The following MIDN variants were observed in gnomAD, a reference collection of about 807,000 sequenced individuals.
MIDN encodes the protein midbrain nucleolar protein.
MIDN carries 26 observed loss-of-function variants against 46.1 expected under a neutral mutation model. The observed-to-expected ratio is 0.56, with a 90% CI of 0.41 to 0.78. MIDN has a LOEUF of 0.78. Among genes scored for constraint, MIDN ranks in the 30% least tolerant of loss-of-function variants. The pLI, the probability that MIDN is intolerant of heterozygous loss-of-function variation, is 0.00. For missense variants in MIDN, 850 were observed against 771.8 expected (o/e 1.10, Z -1.20); for synonymous variants, 432 against 343.3 (o/e 1.26, Z -2.86).
At chr19:1,251,800 G>A (rs200381348) in intron 3 of MIDN, 39 bp from the exon 4 acceptor site, 5 of 1,596,806 alleles carry the variant, frequency 3.1e-6, no homozygotes, top group East Asian at 4.5e-5. Flanking sequence ...CCAGGATTCC[G>A]ACCCCACACT....
chr19:1,255,111 G>T, intron 7 of MIDN, 50 bp downstream of exon 7: 1 of 1,576,784 alleles, frequency 6.3e-7, no homozygotes. Context: ...GTGACCCTGT[G>T]CATTTGGGGT....
chr19:1,253,441 C>A (rs1049150901), intron 4 of MIDN, among the ~76,000 whole-genome samples: 2 of 151,738 alleles, frequency 1.3e-5, no homozygotes, highest in African/African-American at 4.9e-5. Flanking sequence ...CCATCCCGGC[C>A]ACTGGGGAGA....
At position 1,253,017 on chromosome 19, in the gene MIDN, T is replaced by G. The variant is rs2081150974; in HGVS notation, c.385-937T>G. On this transcript the variant is annotated intron_variant, in intron 4 of 8. Coordinates refer to ENST00000682408, the MANE Select transcript of MIDN (RefSeq NM_001388306.1). ...ACACCCTCCTCCCTGGGCGCCTGCGTCAGGAAGGAGCTGGGTTGGGGGGGG... is the reference window on the plus strand; with the variant it reads ...ACACCCTCCTCCCTGGGCGCCTGCGGCAGGAAGGAGCTGGGTTGGGGGGGG... 6.9e-5 allele frequency among the ~76,000 whole-genome samples: 8 copies of G among 116,164 alleles called. No homozygotes were observed. The South Asian group carries it at 2.4e-3, about 35-fold the overall frequency. The allele number at this position is 116,164 out of a possible 152,430, so 76.2% of individuals were successfully genotyped here.
At position 1,257,157 on chromosome 19, in the gene MIDN, G is replaced by A; in HGVS notation, c.1421G>A (p.Ser474Asn). ...SRKAGRSDSS[S>N]SGGGGSPSEA... ...AAGGCCGGCCGCAGCGACAGCAGTA[G>A]CAGCGGGGGCGGCGGCAGCCCCAGC... The change falls in exon 9 of 9, where the codon AGC becomes AAC. Residue 474 changes from serine (S) to asparagine (N), a missense_variant. Ser to Asn is a conservative substitution (Grantham distance 46). Transcript: ENST00000682408. The A allele has an allele frequency of 6.2e-7, 1 of 1,611,538 alleles. No individual in the cohort carries two copies. The highest frequency in any genetic ancestry group is 8.5e-7 in the Non-Finnish European group (1 of 1,179,192).
rs1415982338 is a variant in MIDN at position 1,255,442 on chromosome 19, C to G, written c.1006C>G (p.Gln336Glu). ...TFSGTLHPNC[Q>E]DSSGRPRRDI... is the part of the protein sequence containing the mutation. ...CGCAGGCACGCTACACCCCAACTGC[C>G]AAGACAGCAGCGGGCGGCCGCGGCG... Residue 336 changes from glutamine (Q) to glutamate (E), a missense_variant, in exon 8 of 9, where the codon CAA (glutamine) becomes GAA (glutamate). By Grantham distance (29) the Gln-to-Glu change is conservative. Coordinates refer to ENST00000682408, the MANE Select transcript of MIDN (RefSeq NM_001388306.1). 1.9e-6 allele frequency: 3 copies of G among 1,598,468 alleles called. No homozygotes were observed.
At position 1,250,458 on chromosome 19, in the gene MIDN, G is replaced by A. The variant is rs771855370; in HGVS notation, c.162G>A (p.Glu54=). 4 of 1,389,856 alleles carry A rather than the reference G, an allele frequency of 2.9e-6. No homozygotes were observed. The highest frequency in any genetic ancestry group is 3.1e-5 in the East Asian group (1 of 31,898). 86.1% of individuals were successfully genotyped at this position (1,389,856 alleles called of 1,614,324 possible). Residue 54 remains glutamate (E), a synonymous_variant, in exon 2 of 9, where the codon GAG becomes GAA. Transcript: ENST00000682408. The part of the protein sequence containing the change: ...DLAVPPDETV[E]GLRKRLSQRL... ...CCGTGCCGCCCGACGAGACGGTGGA[G>A]GGGCTGCGCAAGCGGTTGTCCCAGC...
At position 1,251,483 on chromosome 19, in the gene MIDN, C is replaced by T. The variant is rs1030450074; in HGVS notation, c.234-79C>T. 7.6e-6 allele frequency: 10 copies of T among 1,309,890 alleles called. No individual in the cohort carries two copies. The African/African-American group carries it at 1.5e-4, about 20-fold the overall frequency. 81.1% of individuals were successfully genotyped at this position (1,309,890 alleles called of 1,614,324 possible). On this transcript the variant is annotated intron_variant, in intron 2 of 8. Transcript: ENST00000682408. Reference sequence around the variant, plus strand: ...TTATCCGTCTCTCCCCACACAAGCACAGCCCTCCCCCGCGGCCTCTGCTTC... The same window carrying T: ...TTATCCGTCTCTCCCCACACAAGCATAGCCCTCCCCCGCGGCCTCTGCTTC...
chr19:1,251,898 G>C lies in MIDN; in HGVS notation c.381G>C (p.Thr127=). 6.2e-7 allele frequency: 1 copy of C among 1,613,002 alleles called. No individual in the cohort carries two copies. Among genetic ancestry groups the C allele is most frequent in the Non-Finnish European group, 8.5e-7 (1 of 1,179,602 alleles). The change falls in exon 4 of 9, where the codon ACG becomes ACC. Residue 127 remains threonine, a synonymous_variant. Transcript: ENST00000682408. The part of the protein sequence containing the change: ...VMQALESLTE[T]QPPAAPGPGR... Reference sequence around the variant, plus strand: ...AAGCTCTCGAGAGTCTCACGGAGACGCAGGTAAGACCTCGCCAGCCCCTTC... The same window carrying C: ...AAGCTCTCGAGAGTCTCACGGAGACCCAGGTAAGACCTCGCCAGCCCCTTC...
rs772083370 is a variant in MIDN, at chr19:1,251,558, C to A, written c.234-4C>A. ...AGTCTCATGCTCTTCCTTCCTCCCC[C>A]CAGCCGGCTCAGTTCGGGGAAGCTG... On this transcript the variant is annotated splice_polypyrimidine_tract_variant and splice_region_variant and intron_variant, in intron 2 of 8. Transcript: ENST00000682408. 5 of 1,607,488 alleles carry A rather than the reference C, an allele frequency of 3.1e-6. No individual in the cohort carries two copies. The highest frequency in any genetic ancestry group is 1.1e-5 in the South Asian group (1 of 90,426).
intron 4 of MIDN, among the ~76,000 whole-genome samples, chr19:1,253,044 T>TGGGGG (rs111898804): frequency 7.6e-6 from 1 of 131,776 alleles, no homozygotes; most frequent in African/African-American, 3.3e-5. Flanking sequence ...TGGGGGGGGC[T>TGGGGG]GGAGGGGGTG....
At position 1,258,229 on chromosome 19, in the gene MIDN, C is replaced by G. The variant is rs146271397; in HGVS notation, c.*957C>G. The G allele has an allele frequency of 3.3e-5, 5 of 152,618 alleles. No homozygotes were observed. The highest frequency in any genetic ancestry group is 2.6e-4 in the Admixed American group (4 of 15,288). The allele number at this position is 152,618 out of a possible 1,614,324, so 9.5% of individuals were successfully genotyped here. On this transcript the variant is annotated 3_prime_UTR_variant, in exon 9 of 9. Coordinates refer to ENST00000682408, the MANE Select transcript of MIDN (RefSeq NM_001388306.1). Reference sequence around the variant, plus strand: ...ATGGCTGGGTGCTGGGGAGTTCCCCCCTCCGAGCCCTCCTTCCCGGCCCAA... The same window carrying G: ...ATGGCTGGGTGCTGGGGAGTTCCCCGCTCCGAGCCCTCCTTCCCGGCCCAA...
At chr19:1,255,242 C>T (rs983039210) in intron 7 of MIDN, among the ~76,000 whole-genome samples, 180 bp from the exon 8 acceptor site, 1 of 152,112 alleles carries the variant, frequency 6.6e-6, no homozygotes, top group Non-Finnish European at 1.5e-5. Flanking sequence ...CGGGGGGCCG[C>T]GGGTCACCAG....
At chr19:1,255,262 T>A (rs529810524) in intron 7 of MIDN, among the ~76,000 whole-genome samples, 160 bp from the exon 8 acceptor site, 5 of 151,840 alleles carry the variant, frequency 3.3e-5, no homozygotes, top group Non-Finnish European at 7.4e-5. Context: ...GGCGCCTGCA[T>A]ACTGGGGACG....
Position 1,255,648 on chromosome 19 carries a change from C to T in MIDN, c.1212C>T (p.Ala404=), listed in dbSNP as rs763111430. 18 of 1,603,016 alleles carry T rather than the reference C, an allele frequency of 1.1e-5. No individual in the cohort carries two copies. In the Middle Eastern group the frequency reaches 4.9e-4, roughly 44 times the overall value. The change falls in exon 8 of 9, where the codon GCC becomes GCT. Residue 404 remains alanine, a synonymous_variant. Coordinates refer to ENST00000682408, the MANE Select transcript of MIDN (RefSeq NM_001388306.1). ...AGAAGCTCACGGCTGCCCCCTCAGC[C>T]TCCCTGCTGCAGGGCCAGAGCCAGA... ...SCEKLTAAPS[A]SLLQGQSQIR...
intron 4 of MIDN, among the ~76,000 whole-genome samples, chr19:1,253,051 G>T (rs961464078): frequency 6.6e-6 from 1 of 151,456 alleles, no homozygotes; most frequent in Non-Finnish European, 1.5e-5. Context: ...GGCTGGAGGG[G>T]GTGCTGGGCG....
chr19:1,248,673 G>A lies in MIDN; in HGVS notation c.-408+13G>A, dbSNP rs562224607. 1 of 152,608 alleles carries A rather than the reference G, an allele frequency of 6.6e-6. No individual in the cohort carries two copies. Among genetic ancestry groups the A allele is most frequent in the African/African-American group, 2.4e-5 (1 of 41,560 alleles). The allele number at this position is 152,608 out of a possible 1,614,324, so 9.5% of individuals were successfully genotyped here. ...CCGGCCGCGCCCGGTGAGTGTGGAG[G>A]GGGGGGACCTGCGGGCCGAGGAAGG... On this transcript the variant is annotated intron_variant, in intron 1 of 8. Coordinates refer to ENST00000682408, the MANE Select transcript of MIDN (RefSeq NM_001388306.1).
intron 1 of MIDN, among the ~76,000 whole-genome samples, chr19:1,249,301 C>T (rs1222417244): frequency 5.3e-5 from 8 of 150,382 alleles, no homozygotes; most frequent in African/African-American, 1.7e-4. Context: ...ACCACGCCCT[C>T]CCCGGGGCCG....
In MIDN at chr19:1,254,926, A is replaced by G; in HGVS notation, c.850A>G (p.Ser284Gly). ...GCAGATGGACTGCTCCCCCACGGCC[A>G]GCAGCAGTGCCAGTCCTGGTGCCAG... ...PEQMDCSPTA[S>G]SSASPGASTT... The change falls in exon 7 of 9, where the codon AGC becomes GGC. Residue 284 changes from serine (S) to glycine (G), a missense_variant. By Grantham distance (56) the Ser-to-Gly change is moderately conservative. Coordinates refer to ENST00000682408, the MANE Select transcript of MIDN (RefSeq NM_001388306.1). 1 of 1,609,388 alleles carries G rather than the reference A, an allele frequency of 6.2e-7. No homozygotes were observed.
chr19:1,249,575 C>A (rs2081096494), intron 1 of MIDN, among the ~76,000 whole-genome samples: 1 of 150,062 alleles, frequency 6.7e-6, no homozygotes, highest in East Asian at 2.0e-4. Context: ...GTTGCGGGCT[C>A]CGGGCGCTTA....
Sources: allele counts gnomAD v4.1 joint callset (sites outside exome capture counted in the v4.1 genomes callset), GRCh38; gene constraint gnomAD v4.1.1; transcripts MANE v1.5; gene names NCBI Gene and HGNC (gene_info 2026-07-23, HGNC 2026-07-21).